DNAH17: variants seen among roughly 807,000 people sequenced by gnomAD.
DNAH17 encodes the protein dynein axonemal heavy chain 17.
A neutral mutation model predicts 485.6 loss-of-function variants in DNAH17; 376 were observed. That is an observed-to-expected ratio of 0.77 (90% CI 0.71 to 0.84). The LOEUF is 0.84. Among genes scored for constraint, DNAH17 ranks in the 40% least tolerant of loss-of-function variants. The probability of loss-of-function intolerance (pLI) is 0.00; values close to 1 mark genes in which losing one functional copy is unlikely to be tolerated. For missense variants in DNAH17, 6,370 were observed against 5,839.3 expected, an observed-to-expected ratio of 1.09 and a Z score of -2.96; for synonymous variants, 3,031 against 2,405.9, an observed-to-expected ratio of 1.26 and a Z score of -7.60.
At chr17:78,512,208 A>G (rs970679336) in intron 26 of DNAH17, among the ~76,000 whole-genome samples, 1 of 152,204 alleles carries the variant, frequency 6.6e-6, no homozygotes, top group Non-Finnish European at 1.5e-5. Context: ...TGGGCTAAGC[A>G]TTGCCGCTGT....
intron 11 of DNAH17, among the ~76,000 whole-genome samples, chr17:78,565,408 C>A (rs546103549): frequency 3.2e-4 from 49 of 152,376 alleles, no homozygotes; most frequent in African/African-American, 1.1e-3. Flanking sequence ...CATGTATTTG[C>A]ATTTTTGCAA....
At position 78,485,566 on chromosome 17, in the gene DNAH17, G is replaced by C. The variant is rs746879025; in HGVS notation, c.7467C>G (p.Thr2489=). ...VQAVPFNFYT[T]SAMLQGVLEK... Reference sequence around the variant, plus strand: ...CAGCCTCACCCTGCAGCATGGCTGAGGTCGTGTAGAAGTTGAAGGGCACAG... The same window carrying C: ...CAGCCTCACCCTGCAGCATGGCTGACGTCGTGTAGAAGTTGAAGGGCACAG... Residue 2489 remains threonine (T), a synonymous_variant, in exon 47 of 81, where the codon ACC becomes ACG. Coordinates refer to ENST00000389840, the MANE Select transcript of DNAH17 (RefSeq NM_173628.4). 3 of 1,611,770 alleles carry C rather than the reference G, an allele frequency of 1.9e-6. No individual in the cohort carries two copies. The highest frequency in any genetic ancestry group is 1.1e-5 in the South Asian group (1 of 90,542).
chr17:78,505,670 A>G lies in DNAH17; in HGVS notation c.4804-225T>C, dbSNP rs193220387. 1.3e-3 allele frequency among the ~76,000 whole-genome samples: 202 copies of G among 152,346 alleles called. 6 individuals are homozygous for G. The highest frequency in any genetic ancestry group is 0.013 in the Admixed American group (199 of 15,302). On this transcript the variant is annotated intron_variant, in intron 30 of 80. Coordinates refer to ENST00000389840, the MANE Select transcript of DNAH17 (RefSeq NM_173628.4). The stretch of plus-strand genomic sequence containing the variant: ...CAGGAACCGCAGCCCTTCTAAGCCA[A>G]ACATCCATTCTGGAAGATTTCTTTT...
At chr17:78,561,397 G>A (rs2092150833) in intron 12 of DNAH17, among the ~76,000 whole-genome samples, 1 of 152,020 alleles carries the variant, frequency 6.6e-6, no homozygotes, top group South Asian at 2.1e-4. Context: ...GGCTGTCCAG[G>A]AGACTTGGCC....
In DNAH17 at chr17:78,444,592, C is replaced by A; in HGVS notation, c.11528+12G>T. 6.5e-7 allele frequency: 1 copy of A among 1,541,982 alleles called. No homozygotes were observed. Among genetic ancestry groups the A allele is most frequent in the Non-Finnish European group, 8.7e-7 (1 of 1,145,046 alleles). On this transcript the variant is annotated intron_variant, in intron 71 of 80. Coordinates refer to ENST00000389840, the MANE Select transcript of DNAH17 (RefSeq NM_173628.4). The stretch of plus-strand genomic sequence containing the variant: ...CTCGGGGGCGGGGCCCCCGGCGCGG[C>A]GGGACACTCACTTGATAGCGTAGGT...
chr17:78,501,280 C>G lies in DNAH17; in HGVS notation c.5387G>C (p.Arg1796Pro), dbSNP rs752524285. The change falls in exon 35 of 81, where the codon CGA becomes CCA. Residue 1796 changes from arginine to proline, a missense_variant. By Grantham distance (103) the Arg-to-Pro change is moderately radical. Transcript: ENST00000389840. ...QLRHRWDEEK[R>P]HCFANICDAQ... Reference sequence around the variant, plus strand: ...ATCGCAGATGTTGGCAAAGCAGTGTCGCTTCTCTTCGTCCCAGCGATGCCG... The same window carrying G: ...ATCGCAGATGTTGGCAAAGCAGTGTGGCTTCTCTTCGTCCCAGCGATGCCG... 1 of 1,608,456 alleles carries G rather than the reference C, an allele frequency of 6.2e-7. No homozygotes were observed. Among genetic ancestry groups the G allele is most frequent in the African/African-American group, 1.3e-5 (1 of 74,876 alleles).
At chr17:78,425,104 A>C in intron 80 of DNAH17, 1 of 439,664 alleles carries the variant, frequency 2.3e-6, no homozygotes, top group Non-Finnish European at 4.1e-6. Flanking sequence ...ATTAAAGCAG[A>C]GGCCAGGTGA....
Position 78,449,554 on chromosome 17 carries a change from G to T in DNAH17, c.11071C>A (p.Gln3691Lys), listed in dbSNP as rs2087457899. 1 of 1,606,112 alleles carries T rather than the reference G, an allele frequency of 6.2e-7. No homozygotes were observed. Among genetic ancestry groups the T allele is most frequent in the African/African-American group, 1.3e-5 (1 of 74,732 alleles). The change falls in exon 69 of 81, where the codon CAG becomes AAG. Residue 3691 changes from glutamine to lysine, a missense_variant. By Grantham distance (53) the Gln-to-Lys change is moderately conservative. Coordinates refer to ENST00000389840, the MANE Select transcript of DNAH17 (RefSeq NM_173628.4). ...ACCTCGTTGGCAGGGGTGGTCCTCT[G>T]GATGGCTTTCTCAAACACCACGTTG... ...AFNVVFEKAI[Q>K]RTTPANEVKQ...
In DNAH17 at chr17:78,559,633, A is replaced by G. The variant is rs141607811; in HGVS notation, c.2031+1107T>C. ...CTCCAGCCCCAGCTCCGTTCAATCT[A>G]CGCACCTCACAGCGTGGAGAAGGGT... On this transcript the variant is annotated intron_variant, in intron 13 of 80. Transcript: ENST00000389840. Among the ~76,000 whole-genome samples, 40 of 152,242 alleles carry G rather than the reference A, an allele frequency of 2.6e-4. No homozygotes were observed. The East Asian group carries it at 7.3e-3, about 28-fold the overall frequency.
At chr17:78,458,944 G>T in intron 61 of DNAH17, 57 bp downstream of exon 61, 1 of 1,565,838 alleles carries the variant, frequency 6.4e-7, no homozygotes, top group Non-Finnish European at 8.8e-7. Flanking sequence ...GTATTGACTG[G>T]CAGCGCGAGC....
intron 14 of DNAH17, among the ~76,000 whole-genome samples, chr17:78,556,195 C>T (rs1174622434): frequency 6.6e-6 from 1 of 152,190 alleles, no homozygotes; most frequent in Non-Finnish European, 1.5e-5. Flanking sequence ...ACCTGCTTTC[C>T]TATCTCTCTA....
rs116087782 is a variant in DNAH17 at position 78,563,272 on chromosome 17, C to T, written c.1570-1292G>A. ...TGTATTGTGAGTTGTACAAATGGAGCAGCCGTGGACTCTCAGGCAGACATG... is the reference window on the plus strand; with the variant it reads ...TGTATTGTGAGTTGTACAAATGGAGTAGCCGTGGACTCTCAGGCAGACATG... On this transcript the variant is annotated intron_variant, in intron 11 of 80. Transcript: ENST00000389840. Among the ~76,000 whole-genome samples, 1,087 of 152,280 alleles carry T rather than the reference C, an allele frequency of 7.1e-3. 14 individuals are homozygous for T. The highest frequency in any genetic ancestry group is 0.025 in the African/African-American group (1,038 of 41,542).
intron 9 of DNAH17, among the ~76,000 whole-genome samples, chr17:78,567,383 G>A (rs1211285323): frequency 1.3e-5 from 2 of 152,090 alleles, no homozygotes; most frequent in Non-Finnish European, 2.9e-5. Flanking sequence ...GAAGGGCTCT[G>A]TGAATTATCT....
chr17:78,439,222 A>G lies in DNAH17; in HGVS notation c.11678-5T>C. 1 of 1,597,344 alleles carries G rather than the reference A, an allele frequency of 6.3e-7. No homozygotes were observed. The highest frequency in any genetic ancestry group is 8.5e-7 in the Non-Finnish European group (1 of 1,171,882). ...TGGTAAACCCTAGTTTTTTTCCTAA[A>G]GAAAAGAAAAACAGGAAAAAAACAC... is the stretch of plus-strand genomic sequence containing the variant. On this transcript the variant is annotated splice_polypyrimidine_tract_variant and splice_region_variant and intron_variant, in intron 72 of 80. Transcript: ENST00000389840.
chr17:78,498,579 T>C (rs2090160213), intron 37 of DNAH17, among the ~76,000 whole-genome samples: 2 of 152,282 alleles, frequency 1.3e-5, no homozygotes, highest in East Asian at 3.9e-4. Context: ...CGCTGCACGC[T>C]CTGTGCCCCG....
intron 43 of DNAH17, 104 bp downstream of exon 43, chr17:78,491,339 A>C (rs2089843223): frequency 6.8e-7 from 1 of 1,472,446 alleles, no homozygotes; most frequent in East Asian, 2.5e-5. Flanking sequence ...CACCTGCGCC[A>C]AGCCTGGCAT....
At chr17:78,518,271 A>T (rs2090841692) in intron 25 of DNAH17, among the ~76,000 whole-genome samples, 1 of 152,242 alleles carries the variant, frequency 6.6e-6, no homozygotes, top group South Asian at 2.1e-4. Context: ...ACAAAAATAT[A>T]GGTAGCTTGA....
intron 57 of DNAH17, among the ~76,000 whole-genome samples, chr17:78,462,185 G>C (rs922004769): frequency 6.6e-5 from 10 of 151,018 alleles, no homozygotes; most frequent in Non-Finnish European, 1.0e-4. Context: ...TGCCAAGTGA[G>C]TTGCAGTGCC....
intron 25 of DNAH17, among the ~76,000 whole-genome samples, chr17:78,521,281 C>G (rs966911545): frequency 4.4e-4 from 67 of 152,200 alleles, no homozygotes; most frequent in African/African-American, 1.6e-3. Context: ...TGGTGTGTGT[C>G]TGTAATCCCA....
Sources: gnomAD v4.1 joint callset for allele counts (sites outside exome capture counted in the v4.1 genomes callset) on GRCh38, gnomAD v4.1.1 for gene constraint, MANE v1.5 for transcripts, NCBI Gene and HGNC (gene_info 2026-07-23, HGNC 2026-07-21) for gene names.